Variants in AGBL1 observed in about 807,000 individuals in gnomAD.
The protein encoded by AGBL1 is AGBL carboxypeptidase 1.
In AGBL1, 130 loss-of-function variants were observed where a neutral mutation model predicts 118.9. That is an observed-to-expected ratio of 1.09 (90% CI 0.95 to 1.26). The LOEUF is 1.26. Among genes scored for constraint, AGBL1 ranks in the 50% most tolerant of loss-of-function variants. AGBL1 has a pLI of 0.00. For synonymous variants in AGBL1, 555 were observed against 478.9 expected (o/e 1.16, Z -2.08); for missense variants, 1,584 against 1,298.1 (o/e 1.22, Z -3.38).
chr15:86,210,793 C>T (rs750971381), intron 5 of AGBL1, among the ~76,000 whole-genome samples: 12 of 152,220 alleles, frequency 7.9e-5, no homozygotes, highest in Non-Finnish European at 1.6e-4. Context: ...TTTGTTATTA[C>T]TGACCTTCTG....
chr15:86,804,567 C>T (rs758343110), intron 22 of AGBL1, among the ~76,000 whole-genome samples: 3 of 152,156 alleles, frequency 2.0e-5, no homozygotes, highest in Non-Finnish European at 4.4e-5. Context: ...AATATGAATG[C>T]TACGCATGTG....
chr15:86,134,895 A>T (rs2076868512), intron 1 of AGBL1, among the ~76,000 whole-genome samples: 1 of 151,104 alleles, frequency 6.6e-6, no homozygotes, highest in Non-Finnish European at 1.5e-5. Context: ...TTACAGGTGT[A>T]AGCCACTGTG....
intron 22 of AGBL1, among the ~76,000 whole-genome samples, chr15:86,905,899 A>G (rs4426325): frequency 0.18 from 26,652 of 152,038 alleles, 2,764 homozygotes; most frequent in African/African-American, 0.3. Flanking sequence ...TAATGTTGTG[A>G]TGCTGTAGAA....
intron 22 of AGBL1, among the ~76,000 whole-genome samples, chr15:86,686,185 T>A (rs887547089): frequency 6.6e-6 from 1 of 152,192 alleles, no homozygotes; most frequent in Non-Finnish European, 1.5e-5. Flanking sequence ...GGCTATTGAA[T>A]GTTTGCTTTT....
intron 18 of AGBL1, among the ~76,000 whole-genome samples, chr15:86,460,342 A>AG (rs2082317450): frequency 6.7e-6 from 1 of 149,990 alleles, no homozygotes; most frequent in Non-Finnish European, 1.5e-5. Context: ...AAAAAAAAAA[A>AG]AAAAATAGCC....
At chr15:86,778,854 T>C (rs933341846) in intron 22 of AGBL1, among the ~76,000 whole-genome samples, 4 of 152,206 alleles carry the variant, frequency 2.6e-5, no homozygotes, top group African/African-American at 7.2e-5. Context: ...AGGATATTGA[T>C]TGGCGAAGTG....
intron 22 of AGBL1, among the ~76,000 whole-genome samples, chr15:86,740,533 G>A (rs1452286217): frequency 6.6e-6 from 1 of 152,192 alleles, no homozygotes; most frequent in African/African-American, 2.4e-5. Context: ...TGATTTTAAG[G>A]AGATTGCTGT....
At chr15:87,015,955 T>G (rs2081604867) in intron 24 of AGBL1, among the ~76,000 whole-genome samples, 1 of 152,174 alleles carries the variant, frequency 6.6e-6, no homozygotes, top group Non-Finnish European at 1.5e-5. Context: ...GTGATACACA[T>G]AAGCAGCTGT....
chr15:86,952,838 T>C (rs993551962), intron 23 of AGBL1, among the ~76,000 whole-genome samples: 1 of 152,216 alleles, frequency 6.6e-6, no homozygotes, highest in African/African-American at 2.4e-5. Flanking sequence ...CTTTAATCTA[T>C]TTTCAGTTAA....
At chr15:86,365,080 C>T (rs2080868151) in intron 17 of AGBL1, among the ~76,000 whole-genome samples, 1 of 145,580 alleles carries the variant, frequency 6.9e-6, no homozygotes, top group Non-Finnish European at 1.5e-5. Flanking sequence ...TACACACACA[C>T]ATATATATAA....
intron 22 of AGBL1, among the ~76,000 whole-genome samples, chr15:86,715,228 A>G (rs1472846948): frequency 1.3e-5 from 2 of 152,196 alleles, no homozygotes; most frequent in African/African-American, 4.8e-5. Context: ...TAAATCCTGC[A>G]CAGTGAATTA....
rs8039624 is a variant in AGBL1, at chr15:86,424,410, C to A, written c.2555+26864C>A. Among the ~76,000 whole-genome samples, 842 of 152,222 alleles carry A rather than the reference C, an allele frequency of 5.5e-3. 10 individuals carry two copies. The highest frequency in any genetic ancestry group is 0.017 in the African/African-American group (724 of 41,554). On this transcript the variant is annotated intron_variant, in intron 18 of 22. Transcript: ENST00000614907. ...ACTCAAGGTGGATTAAAGACTTAAACATAAGACCTAAAACCATAAAAACCC... is the reference window on the plus strand; with the variant it reads ...ACTCAAGGTGGATTAAAGACTTAAAAATAAGACCTAAAACCATAAAAACCC...
At chr15:86,555,395 C>G (rs1216391482) in intron 21 of AGBL1, among the ~76,000 whole-genome samples, 1 of 152,162 alleles carries the variant, frequency 6.6e-6, no homozygotes, top group East Asian at 1.9e-4. Context: ...TCTATGCAAT[C>G]CTGAGCTTGT....
intron 22 of AGBL1, among the ~76,000 whole-genome samples, chr15:86,711,181 A>G (rs1192622499): frequency 1.3e-5 from 2 of 152,176 alleles, no homozygotes; most frequent in Non-Finnish European, 2.9e-5. Context: ...ATATGTTTCA[A>G]GTGTTTTCCT....
Position 86,914,207 on chromosome 15 carries a change from A to G in AGBL1, c.*6913A>G, listed in dbSNP as rs988091432. ...CCAGGGTATGGGGGTTAAATGAATG[A>G]ATGTCCTGGGGTAGAAGACTATCAA... is the stretch of plus-strand genomic sequence containing the variant. On this transcript the variant is annotated 3_prime_UTR_variant, in exon 23 of 23. Coordinates refer to ENST00000614907, the MANE Select transcript of AGBL1 (RefSeq NM_001386094.1). 1.3e-5 allele frequency: 2 copies of G among 152,136 alleles called. No homozygotes were observed. Among genetic ancestry groups the G allele is most frequent in the Non-Finnish European group, 2.9e-5 (2 of 68,046 alleles). 9.4% of individuals were successfully genotyped at this position (152,136 alleles called of 1,614,324 possible). A position where few individuals can be genotyped will look rare whatever the true frequency, so the allele number is the denominator to read the frequency against.
chr15:86,654,996 G>T (rs995791502), intron 21 of AGBL1, among the ~76,000 whole-genome samples: 1 of 152,078 alleles, frequency 6.6e-6, no homozygotes, highest in African/African-American at 2.4e-5. Flanking sequence ...AAAGCAGTTG[G>T]AGGTCTGTTT....
chr15:86,944,097 C>A (rs958335271), intron 23 of AGBL1, among the ~76,000 whole-genome samples: 1 of 152,026 alleles, frequency 6.6e-6, no homozygotes, highest in Non-Finnish European at 1.5e-5. Context: ...AAGGGTGGGG[C>A]GCGGTGGCTC....
chr15:86,567,080 T>G (rs951323880), intron 21 of AGBL1, among the ~76,000 whole-genome samples: 5 of 152,216 alleles, frequency 3.3e-5, no homozygotes, highest in African/African-American at 1.2e-4. Flanking sequence ...TTTTATTGAT[T>G]AACAGGATCA....
At chr15:86,753,581 A>G (rs1348580117) in intron 22 of AGBL1, among the ~76,000 whole-genome samples, 1 of 151,854 alleles carries the variant, frequency 6.6e-6, no homozygotes, top group African/African-American at 2.4e-5. Context: ...TATTTTTAGT[A>G]GAGACGGGGT....
Sources: allele counts gnomAD v4.1 joint callset (sites outside exome capture counted in the v4.1 genomes callset), GRCh38; gene constraint gnomAD v4.1.1; transcripts MANE v1.5; gene names NCBI Gene and HGNC (gene_info 2026-07-23, HGNC 2026-07-21).